Variants in NRG1 observed in about 807,000 individuals in gnomAD.
NRG1 encodes neuregulin 1.
A neutral mutation model predicts 63.8 loss-of-function variants in NRG1; 18 were observed. The observed-to-expected ratio is 0.28, with a 90% CI of 0.19 to 0.42. NRG1 has a LOEUF of 0.42. NRG1 is among the 10% of genes least tolerant of loss of function. The probability of loss-of-function intolerance (pLI) is 1.00; values close to 1 mark genes in which losing one functional copy is unlikely to be tolerated. For missense variants in NRG1, 762 were observed against 814.7 expected, an observed-to-expected ratio of 0.94 and a Z score of 0.79; for synonymous variants, 302 against 301.3, an observed-to-expected ratio of 1.00 and a Z score of -0.02.
At chr8:31,689,835 A>G (rs562000254) in intron 1 of NRG1, among the ~76,000 whole-genome samples, 5 of 152,346 alleles carry the variant, frequency 3.3e-5, no homozygotes, top group African/African-American at 1.2e-4. Flanking sequence ...AAACTAGAAC[A>G]GGTCAAGAAG....
At chr8:32,675,802 ATATG>A (rs1278377417) in intron 5 of NRG1, among the ~76,000 whole-genome samples, 12 of 152,270 alleles carry the variant, frequency 7.9e-5, no homozygotes, top group Admixed American at 7.2e-4. Flanking sequence ...CATCAATAAA[ATATG>A]GTAAAATATG....
At chr8:31,743,945 A>G (rs1815583384) in intron 1 of NRG1, among the ~76,000 whole-genome samples, 1 of 152,048 alleles carries the variant, frequency 6.6e-6, no homozygotes, top group Non-Finnish European at 1.5e-5. Flanking sequence ...GAAAACTGCT[A>G]TGTCCCTAGC....
intron 1 of NRG1, among the ~76,000 whole-genome samples, chr8:31,828,206 A>G (rs1477678329): frequency 1.3e-5 from 2 of 152,224 alleles, no homozygotes; most frequent in Non-Finnish European, 1.5e-5. Flanking sequence ...TTATGGCATT[A>G]TCTACCACAT....
In NRG1 at chr8:32,600,211, C is replaced by A. The variant is rs146525072; in HGVS notation, c.278+4206C>A. Among the ~76,000 whole-genome samples the A allele has an allele frequency of 6.2e-3, 941 of 152,014 alleles. 7 individuals carry two copies. The highest frequency in any genetic ancestry group is 0.033 in the South Asian group (159 of 4,800). On this transcript the variant is annotated intron_variant, in intron 2 of 11. Transcript: ENST00000356819. Reference sequence around the variant, plus strand: ...CTTGAGCGCAGGAGTTCAAGACCAGCCTGGGAAACATAGCAAGACCCCGTC... The same window carrying A: ...CTTGAGCGCAGGAGTTCAAGACCAGACTGGGAAACATAGCAAGACCCCGTC...
At chr8:32,457,133 A>AAAAT (rs536837503) in intron 1 of NRG1, among the ~76,000 whole-genome samples, 26 of 152,268 alleles carry the variant, frequency 1.7e-4, no homozygotes, top group South Asian at 4.1e-4. Flanking sequence ...CTTTCTCAAA[A>AAAAT]AAATAAATAA....
chr8:31,792,885 A>G (rs751960074), intron 1 of NRG1, among the ~76,000 whole-genome samples: 10 of 152,252 alleles, frequency 6.6e-5, no homozygotes, highest in Non-Finnish European at 1.0e-4. Context: ...CAAATGTGAC[A>G]AGTCAAAAAT....
At chr8:31,989,273 A>AAAAAAAAAAAAAAAAAAAAAAAAAC (rs1810645976) in intron 1 of NRG1, among the ~76,000 whole-genome samples, 1 of 144,696 alleles carries the variant, frequency 6.9e-6, no homozygotes, top group African/African-American at 2.5e-5. Context: ...AAAAAAAAAA[A>AAAAAAAAAAAAAAAAAAAAAAAAAC]GAACAAAACA....
In NRG1 at chr8:32,639,671, CAT is replaced by C. The variant is rs1184094981; in HGVS notation, c.502+22789_502+22790del. 3.3e-5 allele frequency among the ~76,000 whole-genome samples: 5 copies of C among 152,266 alleles called. No homozygotes were observed. In the South Asian group the frequency reaches 6.2e-4, roughly 19 times the overall value. ...AGGAGATTTAAAAATCAAATTAACACATATTTCTAGAGCATTTGCTATAAGTG... is the reference window on the plus strand; with the variant it reads ...AGGAGATTTAAAAATCAAATTAACACATTTCTAGAGCATTTGCTATAAGTG... On this transcript the variant is annotated intron_variant, in intron 5 of 11. Coordinates refer to ENST00000356819, the Ensembl canonical transcript of NRG1.
intron 1 of NRG1, among the ~76,000 whole-genome samples, chr8:31,743,711 T>G (rs529279873): frequency 6.6e-6 from 1 of 152,098 alleles, no homozygotes; most frequent in Admixed American, 6.6e-5. Flanking sequence ...TTGAACATGT[T>G]GGAAAGTCTT....
intron 1 of NRG1, among the ~76,000 whole-genome samples, chr8:31,801,183 T>C (rs750779553): frequency 1.3e-5 from 2 of 152,108 alleles, no homozygotes; most frequent in Non-Finnish European, 1.5e-5. Flanking sequence ...TTCAATTGTT[T>C]GTTAACTAGA....
chr8:31,967,639 G>A (rs1333106985), intron 1 of NRG1, among the ~76,000 whole-genome samples: 1 of 152,180 alleles, frequency 6.6e-6, no homozygotes, highest in South Asian at 2.1e-4. Flanking sequence ...GGCAGGGTGA[G>A]GAAGGAACAG....
At chr8:32,420,626 C>T (rs1025124944) in intron 1 of NRG1, among the ~76,000 whole-genome samples, 1 of 152,012 alleles carries the variant, frequency 6.6e-6, no homozygotes. Flanking sequence ...TTTAACCAAA[C>T]TCCCATCAAT....
intron 1 of NRG1, among the ~76,000 whole-genome samples, chr8:32,590,402 A>G (rs1218826979): frequency 6.6e-6 from 1 of 152,220 alleles, no homozygotes; most frequent in East Asian, 1.9e-4. Flanking sequence ...TAGACCAAAT[A>G]CAATTAAATC....
At chr8:32,741,952 T>TG in intron 6 of NRG1, 56 bp from the exon 7 acceptor site, 1 of 1,392,632 alleles carries the variant, frequency 7.2e-7, no homozygotes, top group Non-Finnish European at 1.0e-6. Context: ...ATTGCCAGTC[T>TG]GAAAGCTCAG....
intron 1 of NRG1, among the ~76,000 whole-genome samples, chr8:32,070,615 T>A (rs1300075780): frequency 6.6e-6 from 1 of 152,022 alleles, no homozygotes; most frequent in Non-Finnish European, 1.5e-5. Flanking sequence ...GCTACTGTTA[T>A]TTCTACTTCA....
At chr8:32,356,800 C>A (rs957684660) in intron 1 of NRG1, among the ~76,000 whole-genome samples, 1 of 152,094 alleles carries the variant, frequency 6.6e-6, no homozygotes. Context: ...CATTTGTCTT[C>A]ATTTCATCAT....
chr8:32,009,748 T>G (rs147219280), intron 1 of NRG1, among the ~76,000 whole-genome samples: 6 of 152,122 alleles, frequency 3.9e-5, no homozygotes, highest in Admixed American at 2.0e-4. Flanking sequence ...CTTAAATGTC[T>G]AATTCTTTTT....
At chr8:32,383,768 T>G (rs1296005861) in intron 1 of NRG1, among the ~76,000 whole-genome samples, 2 of 152,246 alleles carry the variant, frequency 1.3e-5, no homozygotes, top group Non-Finnish European at 2.9e-5. Flanking sequence ...CTTCAGTACT[T>G]TAAGGACAGT....
chr8:32,272,250 G>A (rs1046594901), intron 1 of NRG1, among the ~76,000 whole-genome samples: 1 of 152,146 alleles, frequency 6.6e-6, no homozygotes, highest in Non-Finnish European at 1.5e-5. Context: ...GCAGATGGCA[G>A]CCTTCTCCCT....
Sources: allele counts gnomAD v4.1 joint callset (sites outside exome capture counted in the v4.1 genomes callset), GRCh38; gene constraint gnomAD v4.1.1; transcripts MANE v1.5; gene names NCBI Gene and HGNC (gene_info 2026-07-23, HGNC 2026-07-21).